PHF20: variants seen among roughly 807,000 people sequenced by gnomAD.
PHF20 encodes the protein glioma-expressed antigen 2.
PHF20 carries 23 observed loss-of-function variants against 113.5 expected under a neutral mutation model. The observed-to-expected ratio is 0.20, with a 90% CI of 0.15 to 0.29. The LOEUF (loss-of-function observed/expected upper bound fraction) is 0.29. Ranked by LOEUF, PHF20 falls within the 10% of genes least tolerant of loss-of-function variation. PHF20 has a pLI of 1.00. For synonymous variants in PHF20, 434 were observed against 457.3 expected (o/e 0.95, Z 0.65); for missense variants, 943 against 1,219.6 (o/e 0.77, Z 3.38).
chr20:35,789,205 C>G (rs2041486858), intron 1 of PHF20, among the ~76,000 whole-genome samples: 2 of 151,986 alleles, frequency 1.3e-5, no homozygotes, highest in South Asian at 4.2e-4. Flanking sequence ...GGCAGATCAC[C>G]TGGTCAGGAG....
At chr20:35,809,318 C>T (rs2041936994) in intron 2 of PHF20, among the ~76,000 whole-genome samples, 1 of 151,918 alleles carries the variant, frequency 6.6e-6, no homozygotes, top group South Asian at 2.1e-4. Context: ...GTGGCTCACA[C>T]CTGGAATCCC....
intron 1 of PHF20, among the ~76,000 whole-genome samples, chr20:35,773,168 TTTAG>T (rs1462235819): frequency 6.6e-6 from 1 of 152,188 alleles, no homozygotes; most frequent in Non-Finnish European, 1.5e-5. Context: ...GTGAACCCCT[TTTAG>T]TTATACAACT....
At chr20:35,772,346 AG>A (rs1002153939) in intron 1 of PHF20, among the ~76,000 whole-genome samples, 16 of 150,078 alleles carry the variant, frequency 1.1e-4, no homozygotes, top group African/African-American at 3.4e-4. Context: ...GCGCCGCCCG[AG>A]GGGGCTGGGC....
intron 2 of PHF20, among the ~76,000 whole-genome samples, chr20:35,831,467 T>C (rs995840767): frequency 6.6e-6 from 1 of 152,144 alleles, no homozygotes; most frequent in Non-Finnish European, 1.5e-5. Flanking sequence ...GCTGGGCTGA[T>C]TAAATTTTTT....
intron 2 of PHF20, among the ~76,000 whole-genome samples, chr20:35,814,638 C>G (rs145039857): frequency 0.047 from 7,097 of 150,248 alleles, 199 homozygotes; most frequent in African/African-American, 0.087. Context: ...CTTTGGGAGG[C>G]CGAGGCAGGT....
intron 9 of PHF20, among the ~76,000 whole-genome samples, chr20:35,875,833 G>C (rs909933940): frequency 2.0e-5 from 3 of 152,166 alleles, no homozygotes; most frequent in African/African-American, 7.2e-5. Context: ...TATAAGTGAG[G>C]AGACTAGATT....
intron 9 of PHF20, among the ~76,000 whole-genome samples, chr20:35,878,975 C>A (rs1240765411): frequency 1.3e-5 from 2 of 152,098 alleles, no homozygotes; most frequent in African/African-American, 4.8e-5. Flanking sequence ...AACATGTCAC[C>A]TAAATGCACT....
chr20:35,807,037 T>C lies in PHF20; in HGVS notation c.83+5432T>C, dbSNP rs540992810. On this transcript the variant is annotated intron_variant, in intron 2 of 17. Transcript: ENST00000374012. The stretch of plus-strand genomic sequence containing the variant: ...GTCTCGATCTCCTGACCTTGTGATC[T>C]GCCCGCCTTGGCCTCCCAAAGTGCT... Among the ~76,000 whole-genome samples the C allele has an allele frequency of 1.7e-4, 26 of 152,072 alleles. No individual in the cohort carries two copies. The East Asian group carries it at 3.9e-3, about 23-fold the overall frequency.
chr20:35,772,159 G>GGACGGC (rs887116100), intron 1 of PHF20, 80 bp downstream of exon 1: 18 of 150,020 alleles, frequency 1.2e-4, no homozygotes, highest in East Asian at 7.8e-4. Flanking sequence ...GTGCGGGCGG[G>GGACGGC]GACGGCGACG....
chr20:35,808,034 G>T (rs1183291259), intron 2 of PHF20, among the ~76,000 whole-genome samples: 2 of 152,090 alleles, frequency 1.3e-5, no homozygotes, highest in Non-Finnish European at 2.9e-5. Context: ...GAAGATAGAG[G>T]AAGCAAAAGC....
At chr20:35,782,677 T>A (rs1190719222) in intron 1 of PHF20, 1 of 152,156 alleles carries the variant, frequency 6.6e-6, no homozygotes, top group African/African-American at 2.4e-5. Context: ...TATTTGCCAC[T>A]CTCTTGGGGC....
At chr20:35,803,385 G>A (rs866527643) in intron 2 of PHF20, among the ~76,000 whole-genome samples, 1 of 150,214 alleles carries the variant, frequency 6.7e-6, no homozygotes, top group Non-Finnish European at 1.5e-5. Flanking sequence ...GTGTAGTGGC[G>A]TGATCTCGGC....
chr20:35,773,385 A>T (rs1045834631), intron 1 of PHF20, among the ~76,000 whole-genome samples: 5 of 152,076 alleles, frequency 3.3e-5, no homozygotes, highest in African/African-American at 1.2e-4. Context: ...TGCTTTCCCC[A>T]GTCTGGTCAG....
At chr20:35,837,218 C>T (rs1600806224) in intron 2 of PHF20, among the ~76,000 whole-genome samples, 1 of 152,094 alleles carries the variant, frequency 6.6e-6, no homozygotes, top group East Asian at 1.9e-4. Context: ...AAACACAAAA[C>T]CCCAAAAAGT....
At chr20:35,927,209 T>G (rs1367925064) in intron 13 of PHF20, among the ~76,000 whole-genome samples, 2 of 152,250 alleles carry the variant, frequency 1.3e-5, no homozygotes, top group South Asian at 4.1e-4. Context: ...TGATCTTTGG[T>G]AAGGTTTAGA....
At chr20:35,869,819 A>G (rs923530173) in intron 7 of PHF20, among the ~76,000 whole-genome samples, 2 of 152,160 alleles carry the variant, frequency 1.3e-5, no homozygotes, top group African/African-American at 4.8e-5. Context: ...TGGAAATTTA[A>G]TGGCTTAGGA....
chr20:35,882,515 C>T (rs2054653702), intron 9 of PHF20, among the ~76,000 whole-genome samples: 1 of 152,198 alleles, frequency 6.6e-6, no homozygotes, highest in Admixed American at 6.5e-5. Flanking sequence ...GCAGCCTCAA[C>T]CTCCTGGGCT....
chr20:35,809,936 A>G (rs755959660), intron 2 of PHF20, among the ~76,000 whole-genome samples: 7 of 152,024 alleles, frequency 4.6e-5, no homozygotes, highest in South Asian at 2.1e-4. Flanking sequence ...TTGTTTGTTT[A>G]TTTATTTTTT....
intron 9 of PHF20, chr20:35,878,549 C>T: frequency 1.4e-6 from 1 of 712,714 alleles, no homozygotes; most frequent in Non-Finnish European, 2.6e-6. Context: ...ACCATTCGTA[C>T]TTGTTGGAAT....
Sources: gnomAD v4.1 joint callset for allele counts (sites outside exome capture counted in the v4.1 genomes callset) on GRCh38, gnomAD v4.1.1 for gene constraint, MANE v1.5 for transcripts, NCBI Gene and HGNC (gene_info 2026-07-23, HGNC 2026-07-21) for gene names.